Variants in KBTBD8 observed in about 807,000 individuals in gnomAD.
The protein encoded by KBTBD8 is kelch repeat and BTB domain-containing protein 8.
A neutral mutation model predicts 53.5 loss-of-function variants in KBTBD8; 31 were observed. That is an observed-to-expected ratio of 0.58 (90% CI 0.44 to 0.78). The LOEUF (loss-of-function observed/expected upper bound fraction) is 0.78, where lower values mean the gene tolerates loss of function less well. KBTBD8 is among the 30% of genes least tolerant of loss of function. The probability of loss-of-function intolerance (pLI) is 0.00; values close to 1 mark genes in which losing one functional copy is unlikely to be tolerated. For missense variants in KBTBD8, 642 were observed against 735.8 expected (o/e 0.87, Z 1.48); for synonymous variants, 250 against 247.3 (o/e 1.01, Z -0.10).
chr3:67,001,052 T>G (rs1194016726), intron 2 of KBTBD8, among the ~76,000 whole-genome samples: 2 of 152,158 alleles, frequency 1.3e-5, no homozygotes, highest in Admixed American at 6.5e-5. Flanking sequence ...CTAATTTTCT[T>G]GATTCCTTAA....
Position 67,004,281 on chromosome 3 carries a change from G to C in KBTBD8, c.1314G>C (p.Glu438Asp). ...PVAMEFHNAV[E>D]YKEKIYVLQG... ...CAATGGAATTTCATAATGCTGTGGA[G>C]TACAAAGAGAAGATCTATGTTTTAC... Residue 438 changes from glutamate (E) to aspartate (D), a missense_variant, in exon 3 of 4, where the codon GAG becomes GAC. Physicochemically the swap from Glu to Asp is conservative, Grantham distance 45. Transcript: ENST00000417314. 1 of 1,613,968 alleles carries C rather than the reference G, an allele frequency of 6.2e-7. No individual in the cohort carries two copies. The highest frequency in any genetic ancestry group is 8.5e-7 in the Non-Finnish European group (1 of 1,179,808).
intron 2 of KBTBD8, among the ~76,000 whole-genome samples, chr3:67,000,787 C>A (rs1362191283): frequency 6.6e-6 from 1 of 151,940 alleles, no homozygotes; most frequent in African/African-American, 2.4e-5. Context: ...ATTTAATAAT[C>A]TGGATTATAT....
At chr3:67,006,585 G>A (rs1702065702) in intron 3 of KBTBD8, among the ~76,000 whole-genome samples, 2 of 152,206 alleles carry the variant, frequency 1.3e-5, no homozygotes, top group African/African-American at 4.8e-5. Context: ...AATAAGGGCA[G>A]ATGATGTGCG....
At chr3:67,000,860 GCATA>G (rs1443764551) in intron 2 of KBTBD8, among the ~76,000 whole-genome samples, 2 of 151,738 alleles carry the variant, frequency 1.3e-5, no homozygotes, top group Non-Finnish European at 2.9e-5. Flanking sequence ...TACTTAGTAA[GCATA>G]CATAATAAAT....
At chr3:67,000,213 C>T (rs752668458) in intron 2 of KBTBD8, among the ~76,000 whole-genome samples, 4 of 152,106 alleles carry the variant, frequency 2.6e-5, no homozygotes, top group Non-Finnish European at 4.4e-5. Context: ...CAGTCTGATG[C>T]TTGTGATGTA....
chr3:66,998,952 T>C, intron 1 of KBTBD8, 29 bp from the exon 2 acceptor site: 2 of 1,531,402 alleles, frequency 1.3e-6, no homozygotes, highest in Non-Finnish European at 1.8e-6. Context: ...TCGGCACTTC[T>C]TGTAGTTGTA....
chr3:66,999,241 C>G (rs752066895), intron 2 of KBTBD8, 50 bp downstream of exon 2: 2 of 1,381,342 alleles, frequency 1.4e-6, no homozygotes, highest in Middle Eastern at 1.8e-4. Flanking sequence ...AGCTCCCTTT[C>G]CCCCTCAGTA....
In KBTBD8 at chr3:67,003,416, A is replaced by G. The variant is rs1268455132; in HGVS notation, c.449A>G (p.Gln150Arg). 6.2e-7 allele frequency: 1 copy of G among 1,614,102 alleles called. No individual in the cohort carries two copies. Among genetic ancestry groups the G allele is most frequent in the Admixed American group, 1.7e-5 (1 of 60,024 alleles). ...TATATGATCAGTCATTTGGACCCAC[A>G]GAATTCTATTGGGGTCTTTATCTTT... ...AKYMISHLDP[Q>R]NSIGVFIFAD... The change falls in exon 3 of 4, where the codon CAG becomes CGG. Residue 150 changes from glutamine (Q) to arginine (R), a missense_variant. By Grantham distance (43) the Gln-to-Arg change is conservative (BLOSUM62 1). Transcript: ENST00000417314.
chr3:67,002,512 CTTTTTTTT>C (rs57174511), intron 2 of KBTBD8, among the ~76,000 whole-genome samples: 1 of 90,368 alleles, frequency 1.1e-5, no homozygotes, highest in African/African-American at 4.5e-5. Flanking sequence ...TATAGGTATT[CTTTTTTTT>C]TTTTTTTTTT....
Position 67,003,773 on chromosome 3 carries a change from G to A in KBTBD8, c.806G>A (p.Gly269Glu), listed in dbSNP as rs776647589. 4 of 1,614,134 alleles carry A rather than the reference G, an allele frequency of 2.5e-6. No individual in the cohort carries two copies. Among genetic ancestry groups the A allele is most frequent in the Middle Eastern group, 1.6e-4 (1 of 6,062 alleles). Residue 269 changes from glycine (G) to glutamate (E), a missense_variant, in exon 3 of 4, where the codon GGA (glycine) becomes GAA (glutamate). Gly to Glu is a moderately conservative substitution (Grantham distance 98). Transcript: ENST00000417314. ...ATAGCCAAAAGCTGTGTAGAAAAGG[G>A]ACCATCCAACACCAATGGCTGTACA... ...QAIAKSCVEK[G>E]PSNTNGCTQR...
intron 1 of KBTBD8, 125 bp downstream of exon 1, chr3:66,998,496 G>C (rs1224327995): frequency 1.3e-6 from 1 of 779,244 alleles, no homozygotes; most frequent in South Asian, 4.4e-5. Flanking sequence ...AAGCGGTGGA[G>C]GGGAATGAGA....
At position 67,003,715 on chromosome 3, in the gene KBTBD8, A is replaced by G. The variant is rs950054373; in HGVS notation, c.748A>G (p.Ile250Val). Residue 250 changes from isoleucine (I) to valine (V), a missense_variant, in exon 3 of 4, where the codon ATA becomes GTA. By Grantham distance (29) the Ile-to-Val change is conservative. Transcript: ENST00000417314. ...TTTTCCTCTGATGGAAGATACCTTT[A>G]TAGAGAAAATTCCACCTCAGTTTGC... Reference protein sequence around the residue: ...IRFPLMEDTFIEKIPPQFAQA... With the variant: ...IRFPLMEDTFVEKIPPQFAQA... The G allele has an allele frequency of 6.2e-7, 1 of 1,614,182 alleles. No individual in the cohort carries two copies. The highest frequency in any genetic ancestry group is 8.5e-7 in the Non-Finnish European group (1 of 1,180,022).
chr3:67,008,256 C>T lies in KBTBD8; in HGVS notation c.1677C>T (p.Tyr559=). Residue 559 remains tyrosine, a synonymous_variant, in exon 4 of 4, where the codon TAC becomes TAT. Coordinates refer to ENST00000417314, the MANE Select transcript of KBTBD8 (RefSeq NM_032505.3). ...GAACCAGCAGAAAAAATTCCCTTTA[C>T]CAATATGATGACATTGCTGACCAGT... is the stretch of plus-strand genomic sequence containing the variant. ...VFRTSRKNSL[Y]QYDDIADQWM... is the part of the protein sequence containing the mutation. 1 of 1,613,972 alleles carries T rather than the reference C, an allele frequency of 6.2e-7. No individual in the cohort carries two copies. Among genetic ancestry groups the T allele is most frequent in the Non-Finnish European group, 8.5e-7 (1 of 1,180,000 alleles).
In KBTBD8 at chr3:67,008,394, C is replaced by A; in HGVS notation, c.*9C>A. The stretch of plus-strand genomic sequence containing the variant: ...TTCAGAAAGTACTCTAAATGAGTAG[C>A]AGGCCTTAGTGCATCACTGGCATCT... On this transcript the variant is annotated 3_prime_UTR_variant, in exon 4 of 4. Coordinates refer to ENST00000417314, the MANE Select transcript of KBTBD8 (RefSeq NM_032505.3). 2 of 1,567,162 alleles carry A rather than the reference C, an allele frequency of 1.3e-6. No homozygotes were observed. The highest frequency in any genetic ancestry group is 2.2e-5 in the South Asian group (2 of 89,008).
intron 2 of KBTBD8, among the ~76,000 whole-genome samples, chr3:67,002,985 AGCC>A (rs1457483870): frequency 6.6e-6 from 1 of 152,218 alleles, no homozygotes; most frequent in Admixed American, 6.5e-5. Flanking sequence ...ACAGCGAGCT[AGCC>A]CTGAGAATAT....
intron 2 of KBTBD8, among the ~76,000 whole-genome samples, chr3:67,000,276 G>A (rs969603298): frequency 2.0e-5 from 3 of 152,066 alleles, no homozygotes; most frequent in Admixed American, 6.6e-5. Context: ...ATTAATCATC[G>A]CAAGACAGTG....
intron 3 of KBTBD8, 41 bp downstream of exon 3, chr3:67,004,350 A>G (rs1575579926): frequency 6.4e-7 from 1 of 1,572,276 alleles, no homozygotes; most frequent in East Asian, 2.2e-5. Context: ...GAAGGGTAAC[A>G]CATCAAGTGG....
Position 67,010,184 on chromosome 3 carries a change from T to A in KBTBD8, c.*1799T>A, listed in dbSNP as rs1187380927. ...TTATCTTCTGTTTTGTTTTTGTTTTTATCATCATGATGTTTTGGAGTTATT... is the reference window on the plus strand; with the variant it reads ...TTATCTTCTGTTTTGTTTTTGTTTTAATCATCATGATGTTTTGGAGTTATT... On this transcript the variant is annotated 3_prime_UTR_variant, in exon 4 of 4. Coordinates refer to ENST00000417314, the MANE Select transcript of KBTBD8 (RefSeq NM_032505.3). 2 of 152,630 alleles carry A rather than the reference T, an allele frequency of 1.3e-5. No individual in the cohort carries two copies. Among genetic ancestry groups the A allele is most frequent in the Non-Finnish European group, 2.9e-5 (2 of 68,012 alleles). The allele number at this position is 152,630 out of a possible 1,614,324, so 9.5% of individuals were successfully genotyped here. A position where few individuals can be genotyped will look rare whatever the true frequency, so the allele number is the denominator to read the frequency against.
chr3:66,998,697 C>T (rs1383216623), intron 1 of KBTBD8, among the ~76,000 whole-genome samples: 1 of 152,168 alleles, frequency 6.6e-6, no homozygotes, highest in Non-Finnish European at 1.5e-5. Flanking sequence ...GCGCAGACGC[C>T]TCTCCTGGGC....
Sources: allele counts gnomAD v4.1 joint callset (sites outside exome capture counted in the v4.1 genomes callset), GRCh38; gene constraint gnomAD v4.1.1; transcripts MANE v1.5; gene names NCBI Gene and HGNC (gene_info 2026-07-23, HGNC 2026-07-21).